The following EGFR variants were observed in gnomAD, a reference collection of about 807,000 sequenced individuals.
EGFR encodes avian erythroblastic leukemia viral (v-erb-b) oncogene homolog.
Under a neutral mutation model 143.0 loss-of-function variants are expected in EGFR, and 58 were observed. The ratio of observed to expected loss-of-function variants is 0.41; its 90% CI spans 0.33 to 0.50. EGFR has a LOEUF of 0.50. EGFR is among the 20% of genes least tolerant of loss of function. The pLI, the probability that EGFR is intolerant of heterozygous loss-of-function variation, is 0.39. For missense variants in EGFR, 1,307 were observed against 1,579.0 expected (o/e 0.83, Z 2.92); for synonymous variants, 613 against 594.4 (o/e 1.03, Z -0.45).
intron 1 of EGFR, among the ~76,000 whole-genome samples, chr7:55,099,657 G>A (rs1791686080): frequency 6.6e-6 from 1 of 152,192 alleles, no homozygotes; most frequent in African/African-American, 2.4e-5. Flanking sequence ...CTGGGACTCT[G>A]CCTTCAGGGC....
At chr7:55,085,999 C>A (rs1386694118) in intron 1 of EGFR, among the ~76,000 whole-genome samples, 2 of 151,520 alleles carry the variant, frequency 1.3e-5, no homozygotes, top group Non-Finnish European at 1.5e-5. Context: ...CCCTCTTCCT[C>A]CCTTAGATTT....
intron 20 of EGFR, among the ~76,000 whole-genome samples, chr7:55,185,451 G>A (rs1327155986): frequency 6.6e-6 from 1 of 152,178 alleles, no homozygotes; most frequent in Non-Finnish European, 1.5e-5. Flanking sequence ...AAATCACACG[G>A]CACAGTCATC....
At chr7:55,081,830 A>G (rs1790484208) in intron 1 of EGFR, among the ~76,000 whole-genome samples, 1 of 151,212 alleles carries the variant, frequency 6.6e-6, no homozygotes, top group Non-Finnish European at 1.5e-5. Context: ...CACAAAAAGC[A>G]GCACAGGAAA....
At chr7:55,027,414 T>A (rs1786955548) in intron 1 of EGFR, among the ~76,000 whole-genome samples, 1 of 152,224 alleles carries the variant, frequency 6.6e-6, no homozygotes, top group African/African-American at 2.4e-5. Context: ...TTTTTATAAA[T>A]GCAAACATCT....
At chr7:55,159,995 G>T in intron 11 of EGFR, 144 bp from the exon 12 acceptor site, 2 of 808,056 alleles carry the variant, frequency 2.5e-6, no homozygotes, top group East Asian at 2.7e-5. Context: ...TTCAAAAGGT[G>T]CAGTGTGTGC....
chr7:55,065,213 C>T (rs1479330844), intron 1 of EGFR, among the ~76,000 whole-genome samples: 8 of 152,152 alleles, frequency 5.3e-5, no homozygotes, highest in Non-Finnish European at 1.2e-4. Context: ...CTGGAGATTC[C>T]TGCTGCATTC....
intron 1 of EGFR, among the ~76,000 whole-genome samples, chr7:55,037,390 G>T (rs1046771437): frequency 6.6e-6 from 1 of 152,190 alleles, no homozygotes; most frequent in African/African-American, 2.4e-5. Context: ...ACCTAATGTG[G>T]TTTGCGAGAA....
rs760412968 is a variant in EGFR at position 55,203,380 on chromosome 7, CACAT to C, written c.3271+763_3271+766del. On this transcript the variant is annotated intron_variant, in intron 27 of 27. Coordinates refer to ENST00000275493, the MANE Select transcript of EGFR (RefSeq NM_005228.5). Reference sequence around the variant, plus strand: ...ATACACCATGCATACATACACACCACACATACATACAGACACACCACACACACGT... The same window carrying C: ...ATACACCATGCATACATACACACCACACATACAGACACACCACACACACGT... Among the ~76,000 whole-genome samples, 27 of 142,224 alleles carry C rather than the reference CACAT, an allele frequency of 1.9e-4. 1 individual carries two copies. The highest frequency in any genetic ancestry group is 4.8e-4 in the African/African-American group (18 of 37,416). The allele number at this position is 142,224 out of a possible 152,430, so 93.3% of individuals were successfully genotyped here. A position where few individuals can be genotyped will look rare whatever the true frequency, so the allele number is the denominator to read the frequency against.
chr7:55,089,155 T>G (rs1212390561), intron 1 of EGFR, among the ~76,000 whole-genome samples: 3 of 152,176 alleles, frequency 2.0e-5, no homozygotes, highest in African/African-American at 7.2e-5. Context: ...GCCTCTTGCT[T>G]TTTTTTAACT....
rs142569931 is a variant in EGFR at position 55,154,037 on chromosome 7, C to T, written c.774C>T (p.Ala258=). 2.0e-5 allele frequency: 32 copies of T among 1,614,090 alleles called. No homozygotes were observed. The African/African-American group carries it at 4.1e-4, about 21-fold the overall frequency. ...TCTGCCGCAAATTCCGAGACGAAGC[C>T]ACGTGCAAGGACACCTGCCCCCCAC... ...CLVCRKFRDE[A]TCKDTCPPLM... The change falls in exon 7 of 28, where the codon GCC becomes GCT. Residue 258 remains alanine (A), a synonymous_variant. Coordinates refer to ENST00000275493, the MANE Select transcript of EGFR (RefSeq NM_005228.5).
chr7:55,142,166 T>A, intron 1 of EGFR, 120 bp from the exon 2 acceptor site: 1 of 1,226,434 alleles, frequency 8.2e-7, no homozygotes, highest in Non-Finnish European at 1.2e-6. Flanking sequence ...AATGGGTGAG[T>A]CTCTGTGTGG....
At position 55,019,220 on chromosome 7, in the gene EGFR, C is replaced by T. The variant is rs1192174652; in HGVS notation, c.-58C>T. 4 of 1,350,712 alleles carry T rather than the reference C, an allele frequency of 3.0e-6. No individual in the cohort carries two copies. In the Admixed American group the frequency reaches 7.2e-5, roughly 24 times the overall value. 83.7% of individuals were successfully genotyped at this position (1,350,712 alleles called of 1,614,324 possible). A position where few individuals can be genotyped will look rare whatever the true frequency, so the allele number is the denominator to read the frequency against. The stretch of plus-strand genomic sequence containing the variant: ...AACGCCACAACCACCGCGCACGGCC[C>T]CCTGACTCCGTCCAGTATTGATCGG... On this transcript the variant is annotated 5_prime_UTR_variant, in exon 1 of 28. Coordinates refer to ENST00000275493, the MANE Select transcript of EGFR (RefSeq NM_005228.5).
intron 1 of EGFR, among the ~76,000 whole-genome samples, chr7:55,033,175 T>C (rs1787360785): frequency 6.6e-6 from 1 of 152,238 alleles, no homozygotes; most frequent in Non-Finnish European, 1.5e-5. Context: ...AGCAACTTTC[T>C]ATTTACTCTC....
At chr7:55,028,549 T>A (rs935647176) in intron 1 of EGFR, among the ~76,000 whole-genome samples, 1 of 152,206 alleles carries the variant, frequency 6.6e-6, no homozygotes, top group Non-Finnish European at 1.5e-5. Flanking sequence ...ATTGAATACC[T>A]GAAAGCTTTC....
At position 55,156,807 on chromosome 7, in the gene EGFR, T is replaced by G. The variant is rs1178642122; in HGVS notation, c.1182T>G (p.Ile394Met). ...CTCTGGATCCACAGGAACTGGATATTCTGAAAACCGTAAAGGAAATCACAG... is the reference window on the plus strand; with the variant it reads ...CTCTGGATCCACAGGAACTGGATATGCTGAAAACCGTAAAGGAAATCACAG... ...TPPLDPQELD[I>M]LKTVKEITGF... The change falls in exon 10 of 28, where the codon ATT (isoleucine) becomes ATG (methionine). Residue 394 changes from isoleucine to methionine, a missense_variant. Around this residue, in one of 7 missense-constraint regions of EGFR, gnomAD observed 250 missense variants for 295.1 expected, o/e 0.85. Transcript: ENST00000275493. 2 of 1,614,240 alleles carry G rather than the reference T, an allele frequency of 1.2e-6. No homozygotes were observed. Among genetic ancestry groups the G allele is most frequent in the Admixed American group, 3.3e-5 (2 of 60,026 alleles).
At chr7:55,063,677 C>T (rs1038013401) in intron 1 of EGFR, among the ~76,000 whole-genome samples, 3 of 152,144 alleles carry the variant, frequency 2.0e-5, no homozygotes, top group African/African-American at 7.2e-5. Context: ...ACGTCATGGG[C>T]ATGGACGTAA....
intron 4 of EGFR, among the ~76,000 whole-genome samples, chr7:55,147,242 C>A (rs1794815109): frequency 6.6e-6 from 1 of 152,226 alleles, no homozygotes; most frequent in South Asian, 2.1e-4. Flanking sequence ...ATACTGGTGG[C>A]CTGGTCCCTG....
chr7:55,060,142 C>T (rs1046886297), intron 1 of EGFR, among the ~76,000 whole-genome samples: 1 of 152,222 alleles, frequency 6.6e-6, no homozygotes, highest in Non-Finnish European at 1.5e-5. Context: ...TAATTTATTT[C>T]TGTCACTCTG....
At chr7:55,177,227 G>A (rs897247926) in intron 19 of EGFR, among the ~76,000 whole-genome samples, 6 of 152,098 alleles carry the variant, frequency 3.9e-5, no homozygotes, top group Admixed American at 6.6e-5. Context: ...CAATCCTGGC[G>A]GGCAGGGCAC....
Sources: gnomAD v4.1 joint callset for allele counts (sites outside exome capture counted in the v4.1 genomes callset) on GRCh38, gnomAD v4.1.1 for gene constraint, gnomAD v4.1.1 regional missense constraint, MANE v1.5 for transcripts, NCBI Gene and HGNC (gene_info 2026-07-23, HGNC 2026-07-21) for gene names.